NUP214: variants seen among roughly 807,000 people sequenced by gnomAD.
NUP214 encodes the protein nuclear pore complex protein Nup214.
In NUP214, 79 loss-of-function variants were observed where a neutral mutation model predicts 196.2. That is an observed-to-expected ratio of 0.40 (90% CI 0.34 to 0.49). The LOEUF (loss-of-function observed/expected upper bound fraction) is 0.49, where lower values mean the gene tolerates loss of function less well. Among genes scored for constraint, NUP214 ranks in the 20% least tolerant of loss-of-function variants. NUP214 has a pLI of 0.58. For synonymous variants in NUP214, 1,020 were observed against 990.5 expected, an observed-to-expected ratio of 1.03 and a Z score of -0.56; for missense variants, 2,468 against 2,539.0, an observed-to-expected ratio of 0.97 and a Z score of 0.60.
chr9:131,224,764 T>C (rs1199399851), intron 32 of NUP214, among the ~76,000 whole-genome samples: 1 of 152,242 alleles, frequency 6.6e-6, no homozygotes, highest in Non-Finnish European at 1.5e-5. Flanking sequence ...GCTTTCTTTT[T>C]GCTACACACA....
chr9:131,132,576 C>T lies in NUP214; in HGVS notation c.664-20C>T. On this transcript the variant is annotated intron_variant, in intron 5 of 35. Coordinates refer to ENST00000359428, the MANE Select transcript of NUP214 (RefSeq NM_005085.4). The stretch of plus-strand genomic sequence containing the variant: ...TTTGTTTCATTTGATACTTTATTTT[C>T]CCCTCCAAATCTCTTTCAGACTTTG... 1 of 1,606,734 alleles carries T rather than the reference C, an allele frequency of 6.2e-7. No homozygotes were observed. The highest frequency in any genetic ancestry group is 8.5e-7 in the Non-Finnish European group (1 of 1,173,404).
chr9:131,192,866 G>A (rs536295753), intron 27 of NUP214, among the ~76,000 whole-genome samples: 23 of 149,108 alleles, frequency 1.5e-4, no homozygotes, highest in African/African-American at 3.5e-4. Context: ...CCTTGAGCCC[G>A]GGAGTTCGAG....
Position 131,192,195 on chromosome 9 carries a change from T to TTTTA in NUP214, c.3575-13_3575-12insTTTA. ...TTTTTTTTTTTTTTTTTTTTTTTTT[T>TTTTA]CCATAATTTCAGGGACAGCCAAGAT... On this transcript the variant is annotated splice_polypyrimidine_tract_variant and intron_variant, in intron 26 of 35. Coordinates refer to ENST00000359428, the MANE Select transcript of NUP214 (RefSeq NM_005085.4). 8.2e-6 allele frequency: 10 copies of TTTTA among 1,224,626 alleles called. No individual in the cohort carries two copies. The highest frequency in any genetic ancestry group is 1.4e-5 in the South Asian group (1 of 69,902). The allele number at this position is 1,224,626 out of a possible 1,614,324, so 75.9% of individuals were successfully genotyped here. A position where few individuals can be genotyped will look rare whatever the true frequency, so the allele number is the denominator to read the frequency against.
intron 24 of NUP214, among the ~76,000 whole-genome samples, chr9:131,182,733 T>A (rs7871998): frequency 6.6e-6 from 1 of 152,200 alleles, no homozygotes; most frequent in Non-Finnish European, 1.5e-5. Context: ...TGACATGTTT[T>A]GGTTTAAATC....
intron 24 of NUP214, among the ~76,000 whole-genome samples, chr9:131,180,622 T>C (rs1833246705): frequency 6.6e-6 from 1 of 152,204 alleles, no homozygotes; most frequent in African/African-American, 2.4e-5. Flanking sequence ...ATTCAGTTCG[T>C]TGGAAGAGTG....
rs139384309 is a variant in NUP214 at position 131,151,139 on chromosome 9, G to A, written c.2277+374G>A. On this transcript the variant is annotated intron_variant, in intron 16 of 35. Transcript: ENST00000359428. ...TCGATTTTTAAAAAAGGATATTTTA[G>A]GACATATGCAGTATGAAAATATTAA... is the stretch of plus-strand genomic sequence containing the variant. Among the ~76,000 whole-genome samples, 280 of 152,226 alleles carry A rather than the reference G, an allele frequency of 1.8e-3. 1 individual carries two copies. The highest frequency in any genetic ancestry group is 2.9e-3 in the Non-Finnish European group (195 of 68,026).
At chr9:131,140,821 G>C (rs1219866184) in intron 11 of NUP214, 111 bp downstream of exon 11, 1 of 1,141,296 alleles carries the variant, frequency 8.8e-7, no homozygotes, top group Non-Finnish European at 1.2e-6. Context: ...TTACCAGCCT[G>C]GTCTGTCTTA....
At chr9:131,173,957 A>C in intron 21 of NUP214, 98 bp from the exon 22 acceptor site, 1 of 1,363,640 alleles carries the variant, frequency 7.3e-7, no homozygotes, top group Middle Eastern at 2.0e-4. Context: ...ATCATTTTAC[A>C]AGTTGAGTAT....
intron 19 of NUP214, among the ~76,000 whole-genome samples, chr9:131,163,596 A>G (rs1003168582): frequency 1.3e-5 from 2 of 152,090 alleles, no homozygotes; most frequent in African/African-American, 2.4e-5. Flanking sequence ...GTTTACCAAA[A>G]TGGTTTTGTG....
chr9:131,159,844 C>T (rs1191121194), intron 18 of NUP214, among the ~76,000 whole-genome samples: 6 of 149,236 alleles, frequency 4.0e-5, no homozygotes, highest in Non-Finnish European at 1.5e-5. Context: ...GCAACAAGAG[C>T]GAAATTCCCA....
chr9:131,140,202 T>C (rs567435710), intron 10 of NUP214, among the ~76,000 whole-genome samples: 3 of 152,308 alleles, frequency 2.0e-5, no homozygotes, highest in Non-Finnish European at 4.4e-5. Flanking sequence ...TTCTTAGATA[T>C]TCTTCTCTTG....
rs1475510989 is a variant in NUP214 at position 131,232,316 on chromosome 9, T to C, written c.6239+8T>C. The C allele has an allele frequency of 6.2e-7, 1 of 1,613,600 alleles. No homozygotes were observed. The highest frequency in any genetic ancestry group is 1.7e-5 in the Admixed American group (1 of 60,028). Reference sequence around the variant, plus strand: ...CTTTGGGTCAAATAACTCGTAAGTATCCCCCTTTTTGAGTCTCACCTTAAT... The same window carrying C: ...CTTTGGGTCAAATAACTCGTAAGTACCCCCCTTTTTGAGTCTCACCTTAAT... On this transcript the variant is annotated splice_region_variant and intron_variant, in intron 35 of 35. Coordinates refer to ENST00000359428, the MANE Select transcript of NUP214 (RefSeq NM_005085.4). This position sits in a 1 kb window ranked among gnomAD's most constrained non-coding sequence, Gnocchi z 5.1.
At chr9:131,133,906 A>ATG in intron 7 of NUP214, among the ~76,000 whole-genome samples, 1 of 152,122 alleles carries the variant, frequency 6.6e-6, no homozygotes, top group East Asian at 1.9e-4. Context: ...GATCAAGGTG[A>ATG]TGGGCTTGCT....
intron 24 of NUP214, 41 bp from the exon 25 acceptor site, chr9:131,187,248 G>T: frequency 6.4e-7 from 1 of 1,555,666 alleles, no homozygotes; most frequent in East Asian, 2.2e-5. Flanking sequence ...TTTTTACCTA[G>T]TCATGCCTTT....
intron 31 of NUP214, among the ~76,000 whole-genome samples, chr9:131,216,247 CAG>C (rs1464519045): frequency 2.4e-4 from 34 of 141,542 alleles, no homozygotes; most frequent in African/African-American, 8.1e-4. Context: ...CTTTTTGAGA[CAG>C]AGTCTTGCTC....
At position 131,125,632 on chromosome 9, in the gene NUP214, C is replaced by T. The variant is rs1182788577; in HGVS notation, c.-73C>T. 10 of 1,539,860 alleles carry T rather than the reference C, an allele frequency of 6.5e-6. No individual in the cohort carries two copies. The highest frequency in any genetic ancestry group is 4.1e-5 in the Admixed American group (2 of 49,252). On this transcript the variant is annotated 5_prime_UTR_variant, in exon 1 of 36. Transcript: ENST00000359428. This position sits in a 1 kb window ranked among gnomAD's most constrained non-coding sequence, Gnocchi z 4.1. Reference sequence around the variant, plus strand: ...GCGCTGAGGGGAGGAAGTTTGCTGTCGAGCGGCCTGGGTTCCGTGGGCAAG... The same window carrying T: ...GCGCTGAGGGGAGGAAGTTTGCTGTTGAGCGGCCTGGGTTCCGTGGGCAAG...
chr9:131,225,682 A>T (rs1834700655), intron 32 of NUP214, among the ~76,000 whole-genome samples: 1 of 152,094 alleles, frequency 6.6e-6, no homozygotes, highest in South Asian at 2.1e-4. Context: ...GTTCTGGGAG[A>T]GCTTTTTCTA....
At chr9:131,156,436 A>T (rs1394936041) in intron 17 of NUP214, among the ~76,000 whole-genome samples, 2 of 151,998 alleles carry the variant, frequency 1.3e-5, no homozygotes, top group Non-Finnish European at 2.9e-5. Context: ...CCGGCTGAGC[A>T]TGGGATGTAT....
chr9:131,182,699 A>G (rs1833318677), intron 24 of NUP214, among the ~76,000 whole-genome samples: 1 of 152,244 alleles, frequency 6.6e-6, no homozygotes, highest in Non-Finnish European at 1.5e-5. Context: ...GGGTGATTAG[A>G]TCGTTTACCT....
Sources: allele counts gnomAD v4.1 joint callset (sites outside exome capture counted in the v4.1 genomes callset), GRCh38; gene constraint gnomAD v4.1.1; non-coding constraint Gnocchi (gnomAD v3.1); transcripts MANE v1.5; gene names NCBI Gene and HGNC (gene_info 2026-07-23, HGNC 2026-07-21).